The following SCFD1 variants were observed in gnomAD, a reference collection of about 807,000 sequenced individuals.
SCFD1 encodes the protein sec1 family domain containing 1, also known as sec1 family domain-containing protein 1.
SCFD1 carries 37 observed loss-of-function variants against 103.2 expected under a neutral mutation model. That is an observed-to-expected ratio of 0.36 (90% confidence interval 0.28 to 0.47). The LOEUF (loss-of-function observed/expected upper bound fraction) is 0.47, where lower values mean the gene tolerates loss of function less well. Among genes scored for constraint, SCFD1 ranks in the 20% least tolerant of loss-of-function variants. The pLI is 1.00. For synonymous variants in SCFD1, 264 were observed against 245.0 expected, an observed-to-expected ratio of 1.08 and a Z score of -0.73; for missense variants, 639 against 761.2, an observed-to-expected ratio of 0.84 and a Z score of 1.89.
intron 6 of SCFD1, 66 bp downstream of exon 6, chr14:30,639,930 A>C: frequency 8.1e-6 from 12 of 1,482,610 alleles, no homozygotes; most frequent in Non-Finnish European, 1.1e-5. Flanking sequence ...TAAGAAAAAA[A>C]GTGAATATGT....
intron 23 of SCFD1, among the ~76,000 whole-genome samples, chr14:30,723,040 CAAAA>C (rs1892763630): frequency 6.6e-6 from 1 of 151,712 alleles, no homozygotes; most frequent in South Asian, 2.1e-4. Context: ...GACAGCTAAG[CAAAA>C]AGGAAGGAAG....
At position 30,650,613 on chromosome 14, in the gene SCFD1, C is replaced by A. The variant is rs35187633; in HGVS notation, c.718C>A (p.Leu240Ile). 790 of 1,609,706 alleles carry A rather than the reference C, an allele frequency of 4.9e-4. No homozygotes were observed. The highest frequency in any genetic ancestry group is 6.3e-4 in the Non-Finnish European group (738 of 1,176,676). ...AAATCTAAGAGATGCAAGAAACAGT[C>A]TTTTTACAGGTGATACACTTGGAGC... is the stretch of plus-strand genomic sequence containing the variant. ...RENLRDARNSLFTGDTLGAGQ... is the reference protein window; with the variant it reads ...RENLRDARNSIFTGDTLGAGQ... Residue 240 changes from leucine to isoleucine, a missense_variant, in exon 9 of 25, where the codon CTT becomes ATT. By Grantham distance (5) the Leu-to-Ile change is conservative (BLOSUM62 2). Coordinates refer to ENST00000458591, the MANE Select transcript of SCFD1 (RefSeq NM_016106.4).
At chr14:30,642,253 A>C (rs1162137410) in intron 6 of SCFD1, among the ~76,000 whole-genome samples, 1 of 151,794 alleles carries the variant, frequency 6.6e-6, no homozygotes, top group African/African-American at 2.4e-5. Context: ...ACACCTGGCT[A>C]ATTTTTGTAT....
chr14:30,672,490 A>G (rs981319942), intron 11 of SCFD1, among the ~76,000 whole-genome samples: 57 of 152,186 alleles, frequency 3.7e-4, no homozygotes, highest in African/African-American at 1.4e-3. Flanking sequence ...TGTTAATGAG[A>G]CATGACCTTT....
rs183519413 is a variant in SCFD1 at position 30,624,779 on chromosome 14, C to T, written c.61+2380C>T. ...TTACAGTGTTCTACAAGGCTTTATA[C>T]GATCTGGTTTCCATGTAGCTTTTGG... On this transcript the variant is annotated intron_variant, in intron 1 of 24. Transcript: ENST00000458591. Among the ~76,000 whole-genome samples the T allele has an allele frequency of 9.2e-5, 14 of 152,302 alleles. No individual in the cohort carries two copies. In the East Asian group the frequency reaches 1.9e-3, roughly 21 times the overall value.
At position 30,735,831 on chromosome 14, in the gene SCFD1, A is replaced by G. The variant is rs1171860647; in HGVS notation, c.*222A>G. On this transcript the variant is annotated 3_prime_UTR_variant, in exon 25 of 25. Coordinates refer to ENST00000458591, the MANE Select transcript of SCFD1 (RefSeq NM_016106.4). ...CATTGTTCATTTTCTCTGATAAATCAGAAAGTACTAATATAATAACTAATA... is the reference window on the plus strand; with the variant it reads ...CATTGTTCATTTTCTCTGATAAATCGGAAAGTACTAATATAATAACTAATA... 3 of 431,356 alleles carry G rather than the reference A, an allele frequency of 7.0e-6. No homozygotes were observed. Among genetic ancestry groups the G allele is most frequent in the African/African-American group, 6.2e-5 (3 of 48,224 alleles). The allele number at this position is 431,356 out of a possible 1,614,324, so 26.7% of individuals were successfully genotyped here. A position where few individuals can be genotyped will look rare whatever the true frequency, so the allele number is the denominator to read the frequency against.
rs138366538 is a variant in SCFD1, at chr14:30,693,244, G to A, written c.1243-1529G>A. On this transcript the variant is annotated intron_variant, in intron 14 of 24. Coordinates refer to ENST00000458591, the MANE Select transcript of SCFD1 (RefSeq NM_016106.4). ...ATACTTCTTGTGTCAGAAAGGAGGC[G>A]GATATTAGAATACAGACTCTGCTGA... 3.4e-4 allele frequency among the ~76,000 whole-genome samples: 52 copies of A among 151,856 alleles called. No homozygotes were observed. The East Asian group carries it at 4.5e-3, about 13-fold the overall frequency.
intron 1 of SCFD1, among the ~76,000 whole-genome samples, chr14:30,623,126 A>C (rs192497070): frequency 6.6e-6 from 1 of 152,250 alleles, no homozygotes; most frequent in Admixed American, 6.5e-5. Context: ...AAAACTTCTC[A>C]TGACAACTTG....
intron 23 of SCFD1, among the ~76,000 whole-genome samples, chr14:30,724,484 C>G (rs1037684972): frequency 6.6e-6 from 1 of 151,866 alleles, no homozygotes; most frequent in African/African-American, 2.4e-5. Context: ...AACTCCTGAC[C>G]TCAAGTGATC....
At chr14:30,711,023 TATC>T (rs1464928429) in intron 19 of SCFD1, among the ~76,000 whole-genome samples, 3 of 152,224 alleles carry the variant, frequency 2.0e-5, no homozygotes, top group African/African-American at 7.2e-5. Flanking sequence ...GCATCACAAG[TATC>T]AACTATCACA....
At chr14:30,668,709 A>C (rs557265941) in intron 10 of SCFD1, among the ~76,000 whole-genome samples, 1 of 152,338 alleles carries the variant, frequency 6.6e-6, no homozygotes, top group African/African-American at 2.4e-5. Context: ...ACAAGAAAAA[A>C]ATCAAACAAC....
chr14:30,707,791 T>C, intron 18 of SCFD1, 199 bp from the exon 19 acceptor site: 1 of 638,474 alleles, frequency 1.6e-6, no homozygotes, highest in Non-Finnish European at 2.9e-6. Context: ...TTTTAATTAC[T>C]ATTTTATTGT....
chr14:30,700,673 C>CA (rs1566642858), intron 16 of SCFD1, among the ~76,000 whole-genome samples: 1 of 151,844 alleles, frequency 6.6e-6, no homozygotes, highest in Admixed American at 6.6e-5. Flanking sequence ...TACTCCATCT[C>CA]AAATAAAATA....
At position 30,735,627 on chromosome 14, in the gene SCFD1, A is replaced by G. The variant is rs1594785671; in HGVS notation, c.*18A>G. 6.4e-7 allele frequency: 1 copy of G among 1,571,144 alleles called. No individual in the cohort carries two copies. Among genetic ancestry groups the G allele is most frequent in the Non-Finnish European group, 8.7e-7 (1 of 1,150,104 alleles). On this transcript the variant is annotated 3_prime_UTR_variant, in exon 25 of 25. Transcript: ENST00000458591. ...AAAAGTAACACAGAAGAACCTTACT[A>G]TGATAATCTACTTGGAATGTGGATA...
chr14:30,624,336 G>T (rs1443235174), intron 1 of SCFD1, among the ~76,000 whole-genome samples: 1 of 152,036 alleles, frequency 6.6e-6, no homozygotes, highest in Admixed American at 6.6e-5. Context: ...CTCATCTAGC[G>T]CCTTAGCTTT....
At chr14:30,664,432 A>G (rs1887735036) in intron 10 of SCFD1, among the ~76,000 whole-genome samples, 1 of 152,176 alleles carries the variant, frequency 6.6e-6, no homozygotes, top group Admixed American at 6.5e-5. Flanking sequence ...TAAAACCACA[A>G]AGATTGGGAG....
chr14:30,717,174 G>T (rs565422483), intron 20 of SCFD1, among the ~76,000 whole-genome samples: 102 of 152,082 alleles, frequency 6.7e-4, no homozygotes, highest in Non-Finnish European at 1.3e-3. Context: ...ATACACAGGG[G>T]GTTAAGAAAT....
chr14:30,653,727 A>T, intron 10 of SCFD1, 139 bp downstream of exon 10: 1 of 564,940 alleles, frequency 1.8e-6, no homozygotes, highest in Non-Finnish European at 3.1e-6. Context: ...AAGTGATGGG[A>T]TTTGGTATTA....
At chr14:30,726,914 A>G (rs570037850) in intron 23 of SCFD1, among the ~76,000 whole-genome samples, 1 of 152,298 alleles carries the variant, frequency 6.6e-6, no homozygotes, top group Non-Finnish European at 1.5e-5. Flanking sequence ...TTTAACCATT[A>G]AATAAGTTGT....
Sources: gnomAD v4.1 joint callset for allele counts (sites outside exome capture counted in the v4.1 genomes callset) on GRCh38, gnomAD v4.1.1 for gene constraint, MANE v1.5 for transcripts, NCBI Gene and HGNC (gene_info 2026-07-23, HGNC 2026-07-21) for gene names.